CDS2: variants seen among roughly 807,000 people sequenced by gnomAD.
The protein encoded by CDS2 is phosphatidate cytidylyltransferase 2.
Under a neutral mutation model 59.0 loss-of-function variants are expected in CDS2, and 47 were observed. The ratio of observed to expected loss-of-function variants is 0.80; its 90% CI spans 0.63 to 1.02. CDS2 has a LOEUF of 1.02. CDS2 is among the 50% of genes least tolerant of loss of function. The pLI is 0.00. For synonymous variants in CDS2, 207 were observed against 206.4 expected (o/e 1.00, Z -0.02); for missense variants, 356 against 558.9 (o/e 0.64, Z 3.66).
chr20:5,131,979 G>A (rs892709730), intron 1 of CDS2, among the ~76,000 whole-genome samples: 3 of 152,094 alleles, frequency 2.0e-5, no homozygotes, highest in African/African-American at 7.2e-5. Context: ...ACACTTGAAA[G>A]GTGATTAAAT....
At chr20:5,177,241 C>T (rs181014322) in intron 4 of CDS2, among the ~76,000 whole-genome samples, 2 of 152,118 alleles carry the variant, frequency 1.3e-5, no homozygotes, top group Admixed American at 1.3e-4. Context: ...CTAGAGTTGT[C>T]TGGAAGTTGT....
chr20:5,184,682 G>A lies in CDS2; in HGVS notation c.672-176G>A, dbSNP rs1191725742. Among the ~76,000 whole-genome samples, 1 of 152,192 alleles carries A rather than the reference G, an allele frequency of 6.6e-6. No homozygotes were observed. The highest frequency in any genetic ancestry group is 2.4e-5 in the African/African-American group (1 of 41,434). On this transcript the variant is annotated intron_variant, in intron 7 of 12. Transcript: ENST00000460006. This position sits in a 1 kb window ranked among gnomAD's most constrained non-coding sequence, Gnocchi z 4.3. ...GTAAACACTTGAATATGTACTCTGTGCTAGGTACTAGGTATGACTTTTTTG... is the reference window on the plus strand; with the variant it reads ...GTAAACACTTGAATATGTACTCTGTACTAGGTACTAGGTATGACTTTTTTG...
At chr20:5,168,581 CA>C (rs1325505063) in intron 1 of CDS2, 3 of 518,174 alleles carry the variant, frequency 5.8e-6, no homozygotes, top group South Asian at 4.2e-5. Flanking sequence ...CTTTGGGTGT[CA>C]GAGTCTTGAG....
chr20:5,129,359 C>T (rs1016363915), intron 1 of CDS2, among the ~76,000 whole-genome samples: 15 of 152,128 alleles, frequency 9.9e-5, no homozygotes, highest in Non-Finnish European at 2.2e-4. Flanking sequence ...TCACTGCAAC[C>T]TCTGCCTCCC....
chr20:5,178,044 A>G (rs1203778177), intron 4 of CDS2, among the ~76,000 whole-genome samples: 1 of 152,232 alleles, frequency 6.6e-6, no homozygotes, highest in Non-Finnish European at 1.5e-5. Flanking sequence ...TCTCTATCTC[A>G]GGATCCTTGC....
At chr20:5,144,211 T>C (rs1350202428) in intron 1 of CDS2, among the ~76,000 whole-genome samples, 2 of 152,236 alleles carry the variant, frequency 1.3e-5, no homozygotes, top group African/African-American at 4.8e-5. Context: ...GTAGATATAA[T>C]CTACATAAAC....
At chr20:5,160,152 A>G (rs182529632) in intron 1 of CDS2, among the ~76,000 whole-genome samples, 10 of 152,350 alleles carry the variant, frequency 6.6e-5, no homozygotes, top group Admixed American at 5.2e-4. Flanking sequence ...ATTAAAAGGC[A>G]GAGTAGTAAC....
chr20:5,134,760 A>G (rs1411830003), intron 1 of CDS2, among the ~76,000 whole-genome samples: 1 of 152,192 alleles, frequency 6.6e-6, no homozygotes, highest in Non-Finnish European at 1.5e-5. Context: ...ACTTCAGGTG[A>G]TCTGCCTGCC....
chr20:5,188,055 C>CGTGTGTGTGTGT (rs71332879), intron 10 of CDS2, among the ~76,000 whole-genome samples: 117 of 148,900 alleles, frequency 7.9e-4, no homozygotes, highest in African/African-American at 2.8e-3. Context: ...TCTTAACGTA[C>CGTGTGTGTGTGT]GTGTGTGTGT....
intron 5 of CDS2, among the ~76,000 whole-genome samples, chr20:5,179,919 A>C (rs1230792208): frequency 2.0e-5 from 3 of 152,230 alleles, no homozygotes; most frequent in Non-Finnish European, 2.9e-5. Flanking sequence ...TTCTGACCTC[A>C]ATGTCAATCT....
intron 1 of CDS2, 33 bp from the exon 2 acceptor site, chr20:5,173,490 G>C (rs1288839922): frequency 6.2e-7 from 1 of 1,612,598 alleles, no homozygotes; most frequent in South Asian, 1.1e-5. Context: ...CGGCACTTTT[G>C]ACCTTTTTCT....
chr20:5,160,060 C>T (rs1009699287), intron 1 of CDS2, among the ~76,000 whole-genome samples: 8 of 152,002 alleles, frequency 5.3e-5, no homozygotes. Context: ...GCTCATATGC[C>T]GATGATGATG....
chr20:5,178,668 A>G, intron 4 of CDS2, 149 bp from the exon 5 acceptor site: 1 of 674,908 alleles, frequency 1.5e-6, no homozygotes, highest in Non-Finnish European at 2.6e-6. Flanking sequence ...GCAGGAAACC[A>G]TGGTCTGCCT....
chr20:5,128,214 G>A (rs150439401), intron 1 of CDS2: 144 of 152,232 alleles, frequency 9.5e-4, no homozygotes, highest in African/African-American at 3.3e-3. Flanking sequence ...GAGGATCATC[G>A]GTTCCCACCA....
intron 9 of CDS2, 21 bp from the exon 10 acceptor site, chr20:5,186,666 C>A: frequency 6.2e-7 from 1 of 1,612,114 alleles, no homozygotes; most frequent in Middle Eastern, 1.7e-4. Context: ...CCTTGCCGGT[C>A]TCTCTGTTAT....
At chr20:5,187,395 A>G (rs140823078) in intron 10 of CDS2, 1 of 156,950 alleles carries the variant, frequency 6.4e-6, no homozygotes, top group African/African-American at 2.4e-5. Flanking sequence ...TCTGCTAAGT[A>G]CTGTAGTACA....
At chr20:5,165,547 TTTTG>T (rs1015705859) in intron 1 of CDS2, among the ~76,000 whole-genome samples, 1 of 118,164 alleles carries the variant, frequency 8.5e-6, no homozygotes, top group Non-Finnish European at 1.9e-5. Flanking sequence ...AGCCGTCTTT[TTTTG>T]TTTTTTTGTT....
intron 1 of CDS2, among the ~76,000 whole-genome samples, chr20:5,127,829 C>T (rs1451587969): frequency 1.3e-5 from 2 of 151,940 alleles, no homozygotes; most frequent in Admixed American, 6.6e-5. Context: ...GGAGTGGACT[C>T]CTTTGGGTGA....
chr20:5,145,408 A>T (rs1360797450), intron 1 of CDS2, among the ~76,000 whole-genome samples: 1 of 152,100 alleles, frequency 6.6e-6, no homozygotes, highest in East Asian at 1.9e-4. Flanking sequence ...TGAGTCTGGG[A>T]ATAGAGCTTG....
Sources: allele counts gnomAD v4.1 joint callset (sites outside exome capture counted in the v4.1 genomes callset), GRCh38; gene constraint gnomAD v4.1.1; non-coding constraint Gnocchi (gnomAD v3.1); transcripts MANE v1.5; gene names NCBI Gene and HGNC (gene_info 2026-07-23, HGNC 2026-07-21).